The following KCNIP1 variants were observed in gnomAD, a reference collection of about 807,000 sequenced individuals.
KCNIP1 encodes the protein potassium voltage-gated channel interacting protein 1, also known as A-type potassium channel modulatory protein KCNIP1.
In KCNIP1, 18 loss-of-function variants were observed where a neutral mutation model predicts 33.0. The ratio of observed to expected loss-of-function variants is 0.55; its 90% CI spans 0.38 to 0.81. The LOEUF (loss-of-function observed/expected upper bound fraction) is 0.81. Among genes scored for constraint, KCNIP1 ranks in the 30% least tolerant of loss-of-function variants. The probability of loss-of-function intolerance (pLI) is 0.00; values close to 1 mark genes in which losing one functional copy is unlikely to be tolerated. For synonymous variants in KCNIP1, 93 were observed against 98.3 expected (o/e 0.95, Z 0.32); for missense variants, 238 against 271.6 (o/e 0.88, Z 0.87).
rs11397076 is a variant in KCNIP1, at chr5:170,656,992, C to CTTT, written c.62-61765_62-61763dup. 1.5e-3 allele frequency among the ~76,000 whole-genome samples: 174 copies of CTTT among 116,394 alleles called. 5 individuals carry two copies. The highest frequency in any genetic ancestry group is 3.9e-3 in the African/African-American group (109 of 27,644). The allele number at this position is 116,394 out of a possible 152,430, so 76.4% of individuals were successfully genotyped here. ...CTGTCTTTTCTTTTCTTTTTTCTTTCTTTCTTTTTTTTTTTTTTTTTGAGA... is the reference window on the plus strand; with the variant it reads ...CTGTCTTTTCTTTTCTTTTTTCTTTCTTTTTTCTTTTTTTTTTTTTTTTTGAGA... On this transcript the variant is annotated intron_variant, in intron 1 of 7. Coordinates refer to ENST00000328939, the MANE Select transcript of KCNIP1 (RefSeq NM_014592.4).
intron 1 of KCNIP1, among the ~76,000 whole-genome samples, chr5:170,373,297 G>A (rs1254472640): frequency 6.6e-6 from 1 of 152,204 alleles, no homozygotes; most frequent in Admixed American, 6.5e-5. Flanking sequence ...CTGGCCCCCA[G>A]TGGGAATCTG....
At chr5:170,593,174 A>G (rs986575962) in intron 1 of KCNIP1, among the ~76,000 whole-genome samples, 2 of 152,240 alleles carry the variant, frequency 1.3e-5, no homozygotes, top group African/African-American at 4.8e-5. Context: ...CATTTAAAAG[A>G]GCGTGTACGC....
At chr5:170,448,344 G>A (rs1194581530) in intron 1 of KCNIP1, among the ~76,000 whole-genome samples, 2 of 152,212 alleles carry the variant, frequency 1.3e-5, no homozygotes, top group Non-Finnish European at 2.9e-5. Flanking sequence ...AGCATGTCTT[G>A]TACATCTGCT....
intron 1 of KCNIP1, among the ~76,000 whole-genome samples, chr5:170,359,986 A>T (rs1187289039): frequency 6.6e-6 from 1 of 152,242 alleles, no homozygotes; most frequent in Non-Finnish European, 1.5e-5. Flanking sequence ...TCAGGACCAC[A>T]GGGGAGCGGC....
intron 2 of KCNIP1, among the ~76,000 whole-genome samples, chr5:170,719,093 C>T (rs1006550252): frequency 6.6e-6 from 1 of 152,026 alleles, no homozygotes; most frequent in African/African-American, 2.4e-5. Context: ...AGTAAACGGC[C>T]AACTGCCCAG....
At chr5:170,371,803 A>T (rs1017549331) in intron 1 of KCNIP1, among the ~76,000 whole-genome samples, 2 of 152,190 alleles carry the variant, frequency 1.3e-5, no homozygotes, top group African/African-American at 4.8e-5. Flanking sequence ...TGCTATAGTG[A>T]GTTATTCATC....
At chr5:170,608,443 G>A (rs981440026) in intron 1 of KCNIP1, among the ~76,000 whole-genome samples, 3 of 152,156 alleles carry the variant, frequency 2.0e-5, no homozygotes, top group African/African-American at 7.2e-5. Flanking sequence ...GGAGAACCAC[G>A]TCTACCTGAC....
intron 1 of KCNIP1, among the ~76,000 whole-genome samples, chr5:170,549,400 C>T (rs1250053120): frequency 6.6e-6 from 1 of 152,146 alleles, no homozygotes; most frequent in Non-Finnish European, 1.5e-5. Flanking sequence ...TTAGTGTACC[C>T]ATCATCCATA....
In KCNIP1 at chr5:170,533,489, G is replaced by A. The variant is rs552371096; in HGVS notation, c.61+28856G>A. Reference sequence around the variant, plus strand: ...ATGCCAGGATCCACGGTGCCCCCAGGCTGAAGAGCCTTAACCACTGGGCTG... The same window carrying A: ...ATGCCAGGATCCACGGTGCCCCCAGACTGAAGAGCCTTAACCACTGGGCTG... On this transcript the variant is annotated intron_variant, in intron 1 of 7. Transcript: ENST00000328939. 3.3e-5 allele frequency among the ~76,000 whole-genome samples: 5 copies of A among 152,294 alleles called. No homozygotes were observed. The South Asian group carries it at 1.0e-3, about 32-fold the overall frequency.
chr5:170,391,497 T>C (rs1754589625), intron 1 of KCNIP1, among the ~76,000 whole-genome samples: 1 of 152,198 alleles, frequency 6.6e-6, no homozygotes, highest in East Asian at 1.9e-4. Context: ...CTTTGCTGGC[T>C]GCGGGGTTGT....
intron 1 of KCNIP1, among the ~76,000 whole-genome samples, chr5:170,643,925 G>A (rs1352522606): frequency 1.3e-5 from 2 of 152,218 alleles, no homozygotes; most frequent in African/African-American, 4.8e-5. Context: ...ACATATACAA[G>A]TGAGTTATAC....
At chr5:170,565,757 T>A (rs901275767) in intron 1 of KCNIP1, among the ~76,000 whole-genome samples, 2 of 152,242 alleles carry the variant, frequency 1.3e-5, no homozygotes, top group Non-Finnish European at 2.9e-5. Context: ...GTGGGACTTC[T>A]TGACCTCAGT....
intron 1 of KCNIP1, among the ~76,000 whole-genome samples, chr5:170,582,669 C>A (rs1419165116): frequency 6.6e-6 from 1 of 152,134 alleles, no homozygotes; most frequent in Admixed American, 6.5e-5. Context: ...ACTGAGAAGA[C>A]CAAGGCCAGG....
At position 170,558,461 on chromosome 5, in the gene KCNIP1, G is replaced by A. The variant is rs557349586; in HGVS notation, c.61+53828G>A. ...CCTAAGGAAACAATTTCTTCCAGCC[G>A]CATCATTGAACAGGTGGGACACCAA... On this transcript the variant is annotated intron_variant, in intron 1 of 7. Coordinates refer to ENST00000328939, the MANE Select transcript of KCNIP1 (RefSeq NM_014592.4). Among the ~76,000 whole-genome samples the A allele has an allele frequency of 3.0e-3, 460 of 152,336 alleles. 3 individuals carry two copies. Among genetic ancestry groups the A allele is most frequent in the Non-Finnish European group, 3.0e-3 (207 of 68,022 alleles).
At chr5:170,475,135 AC>A (rs1756827139) in intron 1 of KCNIP1, among the ~76,000 whole-genome samples, 1 of 151,968 alleles carries the variant, frequency 6.6e-6, no homozygotes, top group Non-Finnish European at 1.5e-5. Context: ...CATTTCACAA[AC>A]CTCTAGCTAG....
At chr5:170,596,295 C>A (rs1403749100) in intron 1 of KCNIP1, among the ~76,000 whole-genome samples, 1 of 152,256 alleles carries the variant, frequency 6.6e-6, no homozygotes, top group East Asian at 1.9e-4. Flanking sequence ...GTGCCCATCA[C>A]ACCCATAGTA....
Position 170,515,819 on chromosome 5 carries a change from A to T in KCNIP1, c.61+11186A>T, listed in dbSNP as rs547362300. ...ATGTAACACTGTGGGGATTCAGAGGATGGAGAAAGCACCTCTATCTGAGGG... is the reference window on the plus strand; with the variant it reads ...ATGTAACACTGTGGGGATTCAGAGGTTGGAGAAAGCACCTCTATCTGAGGG... On this transcript the variant is annotated intron_variant, in intron 1 of 7. Coordinates refer to ENST00000328939, the MANE Select transcript of KCNIP1 (RefSeq NM_014592.4). Among the ~76,000 whole-genome samples, 6 of 152,316 alleles carry T rather than the reference A, an allele frequency of 3.9e-5. No homozygotes were observed. The South Asian group carries it at 1.2e-3, about 32-fold the overall frequency.
intron 1 of KCNIP1, among the ~76,000 whole-genome samples, chr5:170,641,904 G>A (rs563482959): frequency 6.6e-6 from 1 of 152,174 alleles, no homozygotes; most frequent in Non-Finnish European, 1.5e-5. Flanking sequence ...GTCCTCGGTG[G>A]CATGCAGCCT....
At chr5:170,655,913 C>T (rs1439518993) in intron 1 of KCNIP1, among the ~76,000 whole-genome samples, 2 of 152,240 alleles carry the variant, frequency 1.3e-5, no homozygotes, top group Admixed American at 1.3e-4. Context: ...AAAATCTATG[C>T]ATAGGAGAAA....
Sources: gnomAD v4.1 joint callset for allele counts (sites outside exome capture counted in the v4.1 genomes callset) on GRCh38, gnomAD v4.1.1 for gene constraint, MANE v1.5 for transcripts, NCBI Gene and HGNC (gene_info 2026-07-23, HGNC 2026-07-21) for gene names.